PADI2: variants seen among roughly 807,000 people sequenced by gnomAD.
The protein encoded by PADI2 is peptidyl arginine deiminase 2.
A neutral mutation model predicts 81.1 loss-of-function variants in PADI2; 70 were observed. The ratio of observed to expected loss-of-function variants is 0.86; its 90% CI spans 0.71 to 1.05. The LOEUF is 1.05. Ranked by LOEUF, PADI2 falls within the 50% of genes least tolerant of loss-of-function variation. The probability of loss-of-function intolerance (pLI) is 0.00; values close to 1 mark genes in which losing one functional copy is unlikely to be tolerated. For synonymous variants in PADI2, 338 were observed against 358.0 expected (o/e 0.94, Z 0.63); for missense variants, 853 against 889.9 (o/e 0.96, Z 0.53).
intron 9 of PADI2, 194 bp from the exon 10 acceptor site, chr1:17,082,846 C>T (rs2078355070): frequency 4.0e-6 from 2 of 495,548 alleles, no homozygotes; most frequent in Admixed American, 7.5e-5. Flanking sequence ...CTGCACATCA[C>T]AGGCAGGTTT....
Position 17,105,019 on chromosome 1 carries a change from C to T in PADI2, c.135G>A (p.Ser45=), listed in dbSNP as rs142131770. The change falls in exon 2 of 16, where the codon TCG becomes TCA. Residue 45 remains serine (S), a synonymous_variant. Coordinates refer to ENST00000375486, the MANE Select transcript of PADI2 (RefSeq NM_007365.3). ...GCACCACCTCCACCCACACGTGTTCCGAGTGCTTCAGGCTGAAGGTTTGGG... is the reference window on the plus strand; with the variant it reads ...GCACCACCTCCACCCACACGTGTTCTGAGTGCTTCAGGCTGAAGGTTTGGG... The part of the protein sequence containing the change: ...AGAQTFSLKH[S]EHVWVEVVRD... 488 of 1,603,620 alleles carry T rather than the reference C, an allele frequency of 3.0e-4. 4 individuals are homozygous for T. The African/African-American group carries it at 5.9e-3, about 20-fold the overall frequency.
intron 11 of PADI2, among the ~76,000 whole-genome samples, chr1:17,076,156 G>C (rs947828814): frequency 3.3e-5 from 5 of 152,142 alleles, no homozygotes; most frequent in Non-Finnish European, 5.9e-5. Context: ...GCACAGGAGG[G>C]CTCCAAAATC....
At chr1:17,074,759 G>A in intron 13 of PADI2, 97 bp downstream of exon 13, 2 of 681,754 alleles carry the variant, frequency 2.9e-6, no homozygotes, top group Non-Finnish European at 5.1e-6. Flanking sequence ...GTGGAGCTGG[G>A]TGCTCAGGGA....
At position 17,069,114 on chromosome 1, in the gene PADI2, C is replaced by A; in HGVS notation, c.1928G>T (p.Gly643Val). 6.2e-7 allele frequency: 1 copy of A among 1,614,208 alleles called. No homozygotes were observed. Among genetic ancestry groups the A allele is most frequent in the Non-Finnish European group, 8.5e-7 (1 of 1,180,042 alleles). Reference protein sequence around the residue: ...DDISAYHKFLGEVHCGTNVRR... With the variant: ...DDISAYHKFLVEVHCGTNVRR... ...GACGTTGGTGCCACAGTGGACTTCC[C>A]CCAGAAATTTGTGGTAGGCAGAAAT... The change falls in exon 16 of 16, where the codon GGG becomes GTG. Residue 643 changes from glycine (G) to valine (V), a missense_variant. Transcript: ENST00000375486.
At chr1:17,108,582 T>A (rs1931466276) in intron 1 of PADI2, among the ~76,000 whole-genome samples, 1 of 151,824 alleles carries the variant, frequency 6.6e-6, no homozygotes, top group Non-Finnish European at 1.5e-5. Flanking sequence ...TGGCCCATCA[T>A]ACACCCAAGC....
chr1:17,102,325 G>T (rs1226536770), intron 3 of PADI2, among the ~76,000 whole-genome samples: 1 of 152,236 alleles, frequency 6.6e-6, no homozygotes, highest in Non-Finnish European at 1.5e-5. Context: ...TGTAGAGCCA[G>T]GCTAGGCTCC....
At chr1:17,089,538 G>C (rs1930598376) in intron 6 of PADI2, among the ~76,000 whole-genome samples, 1 of 152,160 alleles carries the variant, frequency 6.6e-6, no homozygotes, top group African/African-American at 2.4e-5. Flanking sequence ...GGGGCAGGTG[G>C]AGGACACGTT....
chr1:17,118,906 G>A (rs1478615873), intron 1 of PADI2, among the ~76,000 whole-genome samples: 2 of 152,146 alleles, frequency 1.3e-5, no homozygotes, highest in Admixed American at 6.5e-5. Flanking sequence ...AGGTGGGTCC[G>A]AGGGGAAGTG....
At chr1:17,105,229 T>G (rs945730038) in intron 1 of PADI2, among the ~76,000 whole-genome samples, 168 bp from the exon 2 acceptor site, 1 of 152,046 alleles carries the variant, frequency 6.6e-6, no homozygotes, top group East Asian at 2.0e-4. Context: ...TGTCTTTATA[T>G]ACATTAAAAA....
At chr1:17,104,625 G>A (rs1931290211) in intron 2 of PADI2, among the ~76,000 whole-genome samples, 2 of 151,726 alleles carry the variant, frequency 1.3e-5, no homozygotes, top group Admixed American at 1.3e-4. Context: ...AGTAGAGACA[G>A]GGTTTCACCG....
chr1:17,075,353 T>C (rs3818036), intron 12 of PADI2: 214,129 of 349,438 alleles, frequency 0.61, 67,067 homozygotes, highest in Middle Eastern at 0.71. Flanking sequence ...TATGTGACTA[T>C]TGAACACTTG....
chr1:17,090,858 C>T (rs78703751), intron 6 of PADI2, among the ~76,000 whole-genome samples: 1 of 152,114 alleles, frequency 6.6e-6, no homozygotes, highest in East Asian at 1.9e-4. Flanking sequence ...AGTCCACTCC[C>T]TTTAGCAAAA....
chr1:17,113,423 C>T lies in PADI2; in HGVS notation c.92+5857G>A, dbSNP rs763480157. On this transcript the variant is annotated intron_variant, in intron 1 of 15. Coordinates refer to ENST00000375486, the MANE Select transcript of PADI2 (RefSeq NM_007365.3). ...CCCATACCACTGTGATTTCATTTTA[C>T]AGATGAGCACATTGAGGCCCCTAGA... Among the ~76,000 whole-genome samples the T allele has an allele frequency of 2.0e-4, 31 of 152,316 alleles. 1 individual carries two copies. The highest frequency in any genetic ancestry group is 1.9e-3 in the South Asian group (9 of 4,832).
chr1:17,084,676 C>G lies in PADI2; in HGVS notation c.861G>C (p.Thr287=). 6.4e-7 allele frequency: 1 copy of G among 1,562,426 alleles called. No individual in the cohort carries two copies. Among genetic ancestry groups the G allele is most frequent in the African/African-American group, 1.4e-5 (1 of 73,480 alleles). ...GAGCAATCCGGAATATCACGGTGTC[C>G]GTGAAGATGGGAGTCAGGGGAATGT... ...AQDIPLTPIF[T]DTVIFRIAPW... Residue 287 remains threonine, a synonymous_variant, in exon 8 of 16, where the codon ACG becomes ACC. Transcript: ENST00000375486.
In PADI2 at chr1:17,075,966, G is replaced by C. The variant is rs144958893; in HGVS notation, c.1311-143C>G. ...CAGGAAGGAGACTAGGTTGGGTTAA[G>C]AGACCCTGGCGCAGGCAGTAAGGCG... On this transcript the variant is annotated intron_variant, in intron 11 of 15. Coordinates refer to ENST00000375486, the MANE Select transcript of PADI2 (RefSeq NM_007365.3). 240 of 743,992 alleles carry C rather than the reference G, an allele frequency of 3.2e-4. 1 individual carries two copies. In the East Asian group the frequency reaches 5.7e-3, roughly 18 times the overall value. The allele number at this position is 743,992 out of a possible 1,614,324, so 46.1% of individuals were successfully genotyped here.
intron 10 of PADI2, among the ~76,000 whole-genome samples, chr1:17,081,182 A>G (rs369502115): frequency 6.6e-5 from 10 of 152,218 alleles, no homozygotes; most frequent in African/African-American, 2.2e-4. Flanking sequence ...TACTCATCAT[A>G]GTGTTAGGGA....
In PADI2 at chr1:17,105,013, G is replaced by T. The variant is rs758769081; in HGVS notation, c.141C>A (p.His47Gln). The T allele has an allele frequency of 3.1e-6, 5 of 1,605,286 alleles. No homozygotes were observed. The Admixed American group carries it at 6.7e-5, about 22-fold the overall frequency. The part of the protein sequence containing the change: ...AQTFSLKHSE[H>Q]VWVEVVRDGE... ...CATCACGCACCACCTCCACCCACAC[G>T]TGTTCCGAGTGCTTCAGGCTGAAGG... is the stretch of plus-strand genomic sequence containing the variant. The change falls in exon 2 of 16, where the codon CAC (histidine) becomes CAA (glutamine). Residue 47 changes from histidine (H) to glutamine (Q), a missense_variant. By Grantham distance (24) the His-to-Gln change is conservative. Transcript: ENST00000375486.
chr1:17,107,099 A>T (rs1931407896), intron 1 of PADI2, among the ~76,000 whole-genome samples: 1 of 152,154 alleles, frequency 6.6e-6, no homozygotes, highest in Non-Finnish European at 1.5e-5. Flanking sequence ...AAATCCAGCC[A>T]CTGGTCTGGA....
intron 1 of PADI2, among the ~76,000 whole-genome samples, chr1:17,117,310 G>A (rs1569607028): frequency 6.6e-6 from 1 of 152,288 alleles, no homozygotes; most frequent in East Asian, 1.9e-4. Context: ...TTGATTGCAT[G>A]TTGAAATGAT....
Sources: allele counts gnomAD v4.1 joint callset (sites outside exome capture counted in the v4.1 genomes callset), GRCh38; gene constraint gnomAD v4.1.1; transcripts MANE v1.5; gene names NCBI Gene and HGNC (gene_info 2026-07-23, HGNC 2026-07-21).